The following DLG2 variants were observed in gnomAD, a reference collection of about 807,000 sequenced individuals.
The protein encoded by DLG2 is disks large homolog 2.
Under a neutral mutation model 132.5 loss-of-function variants are expected in DLG2, and 45 were observed. The ratio of observed to expected loss-of-function variants is 0.34; its 90% CI spans 0.27 to 0.44. DLG2 has a LOEUF of 0.44. Ranked by LOEUF, DLG2 falls within the 20% of genes least tolerant of loss-of-function variation. DLG2 has a pLI of 1.00. For synonymous variants in DLG2, 424 were observed against 419.6 expected (o/e 1.01, Z -0.13); for missense variants, 1,045 against 1,196.9 (o/e 0.87, Z 1.87).
chr11:83,711,677 T>C lies in DLG2; in HGVS notation c.1825+75013A>G, dbSNP rs553806603. 2.0e-5 allele frequency among the ~76,000 whole-genome samples: 3 copies of C among 152,326 alleles called. No homozygotes were observed. The South Asian group carries it at 6.2e-4, about 32-fold the overall frequency. The stretch of plus-strand genomic sequence containing the variant: ...AATTGAACACTAAGATGAGGGTCAC[T>C]GTGCAAGTATCATGTCTAGACTCCA... On this transcript the variant is annotated intron_variant, in intron 18 of 27. Coordinates refer to ENST00000376104, the MANE Select transcript of DLG2 (RefSeq NM_001142699.3).
At chr11:85,380,384 C>T (rs963320523) in intron 3 of DLG2, among the ~76,000 whole-genome samples, 2 of 152,122 alleles carry the variant, frequency 1.3e-5, no homozygotes, top group Non-Finnish European at 2.9e-5. Flanking sequence ...ATGGGTTGGG[C>T]ACAGTGGCTC....
intron 6 of DLG2, among the ~76,000 whole-genome samples, chr11:84,998,344 A>C (rs1397328640): frequency 2.6e-5 from 4 of 152,076 alleles, no homozygotes; most frequent in Non-Finnish European, 4.4e-5. Flanking sequence ...TAAGCATCCG[A>C]CATTTCCCAT....
At chr11:84,054,296 T>C (rs2096459024) in intron 11 of DLG2, among the ~76,000 whole-genome samples, 1 of 152,064 alleles carries the variant, frequency 6.6e-6, no homozygotes, top group African/African-American at 2.4e-5. Context: ...TAATGTGTTC[T>C]TGCGAAAGTC....
chr11:84,039,856 T>C (rs962516001), intron 11 of DLG2, among the ~76,000 whole-genome samples: 1 of 148,294 alleles, frequency 6.7e-6, no homozygotes, highest in African/African-American at 2.5e-5. Flanking sequence ...AGTGTTCCTA[T>C]CTCTCCACAT....
intron 11 of DLG2, among the ~76,000 whole-genome samples, chr11:83,993,675 C>T (rs2093854866): frequency 6.6e-6 from 1 of 152,182 alleles, no homozygotes. Context: ...TCCAAGCTTC[C>T]ATCATTAAAA....
At chr11:84,193,743 T>C (rs113449765) in intron 8 of DLG2, among the ~76,000 whole-genome samples, 4,553 of 152,292 alleles carry the variant, frequency 0.03, 102 homozygotes, top group Non-Finnish European at 0.045. Context: ...GCTGAAATTA[T>C]GGTCAAAACA....
intron 6 of DLG2, among the ~76,000 whole-genome samples, chr11:84,555,339 C>T (rs2099409843): frequency 1.3e-5 from 2 of 152,122 alleles, no homozygotes; most frequent in African/African-American, 4.8e-5. Flanking sequence ...AAGATATTTA[C>T]ACACCCATGT....
intron 4 of DLG2, among the ~76,000 whole-genome samples, chr11:85,242,705 T>C (rs1211332105): frequency 6.6e-6 from 1 of 151,888 alleles, no homozygotes; most frequent in Non-Finnish European, 1.5e-5. Context: ...TGGCTTTTTA[T>C]ACTTATTTTA....
At chr11:84,035,968 C>A (rs891086221) in intron 11 of DLG2, among the ~76,000 whole-genome samples, 1 of 152,012 alleles carries the variant, frequency 6.6e-6, no homozygotes, top group Non-Finnish European at 1.5e-5. Flanking sequence ...CCAGAAAAAG[C>A]TGGTTTTGGA....
chr11:84,692,138 G>A (rs917641370), intron 6 of DLG2, among the ~76,000 whole-genome samples: 10 of 151,600 alleles, frequency 6.6e-5, no homozygotes, highest in Admixed American at 2.0e-4. Flanking sequence ...GTAGGCGCGC[G>A]ACAGATGAAT....
chr11:84,345,027 T>G (rs1226434954), intron 7 of DLG2, among the ~76,000 whole-genome samples: 1 of 152,236 alleles, frequency 6.6e-6, no homozygotes, highest in South Asian at 2.1e-4. Flanking sequence ...ACTAATGCTA[T>G]GTATGTAATA....
chr11:85,119,765 G>A (rs187439306), intron 5 of DLG2, among the ~76,000 whole-genome samples: 6 of 151,984 alleles, frequency 3.9e-5, no homozygotes, highest in East Asian at 1.9e-4. Context: ...AACCTTTGAA[G>A]AAAGAAATGC....
At chr11:83,864,095 A>G (rs976007202) in intron 16 of DLG2, among the ~76,000 whole-genome samples, 15 of 152,310 alleles carry the variant, frequency 9.8e-5, no homozygotes, top group African/African-American at 3.6e-4. Flanking sequence ...AAAAATTCCC[A>G]ACTCTTGATA....
intron 16 of DLG2, among the ~76,000 whole-genome samples, chr11:83,838,128 T>A (rs2056724187): frequency 1.3e-5 from 2 of 151,942 alleles, no homozygotes; most frequent in Admixed American, 6.6e-5. Flanking sequence ...TTTATATGAA[T>A]CATTTGATTT....
chr11:84,714,317 A>G (rs1196981379), intron 6 of DLG2, among the ~76,000 whole-genome samples: 1 of 152,170 alleles, frequency 6.6e-6, no homozygotes, highest in African/African-American at 2.4e-5. Context: ...ATGTTTTACA[A>G]CAAAGTTGGC....
At chr11:83,756,123 G>A (rs1472107852) in intron 18 of DLG2, among the ~76,000 whole-genome samples, 1 of 150,968 alleles carries the variant, frequency 6.6e-6, no homozygotes, top group Non-Finnish European at 1.5e-5. Flanking sequence ...ATTATGGAGA[G>A]GCACCACACC....
intron 6 of DLG2, among the ~76,000 whole-genome samples, chr11:84,901,165 C>T (rs1473613522): frequency 2.6e-5 from 4 of 151,944 alleles, no homozygotes; most frequent in Non-Finnish European, 5.9e-5. Flanking sequence ...GAAAAGATCC[C>T]CAACAATAGC....
chr11:84,269,163 AG>A (rs1383158209), intron 7 of DLG2, among the ~76,000 whole-genome samples: 2 of 152,232 alleles, frequency 1.3e-5, no homozygotes, highest in African/African-American at 4.8e-5. Flanking sequence ...AGTGTGTAAT[AG>A]AGATACATGT....
At chr11:84,410,510 T>C (rs905261155) in intron 7 of DLG2, among the ~76,000 whole-genome samples, 1 of 151,656 alleles carries the variant, frequency 6.6e-6, no homozygotes. Context: ...AAAGAAAAAG[T>C]GTATAGAAAA....
Sources: allele counts gnomAD v4.1 joint callset (sites outside exome capture counted in the v4.1 genomes callset), GRCh38; gene constraint gnomAD v4.1.1; transcripts MANE v1.5; gene names NCBI Gene and HGNC (gene_info 2026-07-23, HGNC 2026-07-21).